The following LAMB3 variants were observed in gnomAD, a reference collection of about 807,000 sequenced individuals.
The protein encoded by LAMB3 is laminin subunit beta 3.
A neutral mutation model predicts 140.3 loss-of-function variants in LAMB3; 104 were observed. That is an observed-to-expected ratio of 0.74 (90% confidence interval 0.63 to 0.87). The LOEUF is 0.87. LAMB3 is among the 40% of genes least tolerant of loss of function. LAMB3 has a pLI of 0.00. For synonymous variants in LAMB3, 592 were observed against 602.9 expected (o/e 0.98, Z 0.26); for missense variants, 1,531 against 1,575.2 (o/e 0.97, Z 0.47).
In LAMB3 at chr1:209,630,613, A is replaced by G. The variant is rs1464038626; in HGVS notation, c.943+2T>C. 1.9e-6 allele frequency: 3 copies of G among 1,614,142 alleles called. No homozygotes were observed. Among genetic ancestry groups the G allele is most frequent in the Non-Finnish European group, 2.5e-6 (3 of 1,180,014 alleles). On this transcript the variant is annotated splice_donor_variant, in intron 9 of 22. Coordinates refer to ENST00000356082, the MANE Select transcript of LAMB3 (RefSeq NM_000228.3). LOFTEE classifies it high-confidence loss of function. ...AGGGGAGGGGTGATCCAAAGCTCCT[A>G]CTTTGGCATTCATGGGCGTCCTGGC...
Position 209,634,455 on chromosome 1 carries a change from C to A in LAMB3, c.556G>T (p.Gly186Trp), listed in dbSNP as rs747286969. The A allele has an allele frequency of 2.5e-6, 4 of 1,613,950 alleles. No homozygotes were observed. The highest frequency in any genetic ancestry group is 2.2e-5 in the East Asian group (1 of 44,870). ...GGATTCCCTCTACCTACCTTCCCCCCATTTAGGCGTGCATTAGGCCTCTGA... is the reference window on the plus strand; with the variant it reads ...GGATTCCCTCTACCTACCTTCCCCCAATTTAGGCGTGCATTAGGCCTCTGA... ...LPQRPNARLN[G>W]GKVQLNLMDL... Residue 186 changes from glycine (G) to tryptophan (W), a missense_variant, in exon 6 of 23, where the codon GGG (glycine) becomes TGG (tryptophan). Physicochemically the swap from Gly to Trp is radical, Grantham distance 184. Coordinates refer to ENST00000356082, the MANE Select transcript of LAMB3 (RefSeq NM_000228.3).
intron 17 of LAMB3, 30 bp from the exon 18 acceptor site, chr1:209,622,710 G>T: frequency 6.2e-7 from 1 of 1,613,904 alleles, no homozygotes; most frequent in Non-Finnish European, 8.5e-7. Flanking sequence ...GTCAGAAGGG[G>T]TAAGGCCCCA....
At position 209,626,021 on chromosome 1, in the gene LAMB3, C is replaced by T. The variant is rs141723352; in HGVS notation, c.1603G>A (p.Asp535Asn). The change falls in exon 14 of 23, where the codon GAC becomes AAC. Residue 535 changes from aspartate (D) to asparagine (N), a missense_variant. Transcript: ENST00000356082. ...GDVATGCRAC[D>N]CDFRGTEGPG... ...CCCTCTGTTCCCCGGAAATCACAGT[C>T]ACAGGCTAGGGCCAAGAAAAATGAC... 294 of 1,612,776 alleles carry T rather than the reference C, an allele frequency of 1.8e-4. No individual in the cohort carries two copies. The African/African-American group carries it at 3.1e-3, about 17-fold the overall frequency.
intron 20 of LAMB3, 76 bp downstream of exon 20, chr1:209,617,831 T>C: frequency 1.3e-6 from 2 of 1,570,586 alleles, no homozygotes; most frequent in South Asian, 2.2e-5. Context: ...AGTCACTTTC[T>C]GGCATTTTCT....
chr1:209,626,009 G>A lies in LAMB3; in HGVS notation c.1615C>T (p.Arg539Trp), dbSNP rs200300715. 122 of 1,612,830 alleles carry A rather than the reference G, an allele frequency of 7.6e-5. No individual in the cohort carries two copies. Among genetic ancestry groups the A allele is most frequent in the Non-Finnish European group, 7.3e-5 (86 of 1,179,366 alleles). The change falls in exon 14 of 23, where the codon CGG (arginine) becomes TGG (tryptophan). Residue 539 changes from arginine (R) to tryptophan (W), a missense_variant. Arg to Trp is a moderately radical substitution (Grantham distance 101). Transcript: ENST00000356082. ...TGCRACDCDF[R>W]GTEGPGCDKA... is the part of the protein sequence containing the mutation. ...TCGCAGCCCGGGCCCTCTGTTCCCC[G>A]GAAATCACAGTCACAGGCTAGGGCC...
chr1:209,634,368 G>A, intron 6 of LAMB3, 79 bp downstream of exon 6: 1 of 1,445,868 alleles, frequency 6.9e-7, no homozygotes, highest in South Asian at 1.1e-5. Context: ...TCCCTTCTCA[G>A]GAGTCCGTGT....
intron 19 of LAMB3, 123 bp from the exon 20 acceptor site, chr1:209,618,171 A>G (rs1666051209): frequency 2.4e-6 from 3 of 1,263,900 alleles, no homozygotes; most frequent in Non-Finnish European, 2.3e-6. Context: ...GAGCAAGGAA[A>G]GTATTAACTC....
chr1:209,644,795 G>A (rs909831905), intron 3 of LAMB3, among the ~76,000 whole-genome samples: 2 of 152,212 alleles, frequency 1.3e-5, no homozygotes, highest in Non-Finnish European at 2.9e-5. Flanking sequence ...CCCTGGACCT[G>A]AGTGCAGAAA....
rs753697952 is a variant in LAMB3, at chr1:209,650,951, C to T, written c.-7G>A. 6.2e-7 allele frequency: 1 copy of T among 1,614,002 alleles called. No homozygotes were observed. Among genetic ancestry groups the T allele is most frequent in the Non-Finnish European group, 8.5e-7 (1 of 1,179,968 alleles). The stretch of plus-strand genomic sequence containing the variant: ...AGAGGAAGAATGGTCTCATCTTCAG[C>T]CAATGGGGTGATCCCCAGAAAGGAC... On this transcript the variant is annotated 5_prime_UTR_variant, in exon 2 of 23. Transcript: ENST00000356082.
At position 209,625,695 on chromosome 1, in the gene LAMB3, G is replaced by T. The variant is rs1335523633; in HGVS notation, c.1929C>A (p.Val643=). The T allele has an allele frequency of 4.3e-6, 7 of 1,614,052 alleles. No homozygotes were observed. The highest frequency in any genetic ancestry group is 5.9e-6 in the Non-Finnish European group (7 of 1,180,042). ...CCACCTGAGCCACCTCCTGCTCTGTGACTGCGGGGCTGCTGAGAACTGCTC... is the reference window on the plus strand; with the variant it reads ...CCACCTGAGCCACCTCCTGCTCTGTTACTGCGGGGCTGCTGAGAACTGCTC... ...QIRAVLSSPA[V]TEQEVAQVAS... is the part of the protein sequence containing the mutation. The change falls in exon 14 of 23, where the codon GTC becomes GTA. Residue 643 remains valine, a synonymous_variant. Coordinates refer to ENST00000356082, the MANE Select transcript of LAMB3 (RefSeq NM_000228.3).
At position 209,628,035 on chromosome 1, in the gene LAMB3, G is replaced by C. The variant is rs767490741; in HGVS notation, c.1288C>G (p.Arg430Gly). 3.9e-5 allele frequency: 62 copies of C among 1,602,278 alleles called. No individual in the cohort carries two copies. Among genetic ancestry groups the C allele is most frequent in the Non-Finnish European group, 5.0e-5 (59 of 1,174,146 alleles). The change falls in exon 11 of 23, where the codon CGC becomes GGC. Residue 430 changes from arginine to glycine, a missense_variant and splice_region_variant. Transcript: ENST00000356082. ...ATGCTGGGCCAAGCCCCCTACTCAC[G>C]GTGGCAGCCCTGCGGGTTGGCGTAG... The part of the protein sequence containing the change: ...LTYANPQGCH[R>G]CDCNILGSRR...
intron 5 of LAMB3, among the ~76,000 whole-genome samples, chr1:209,636,653 C>A (rs1237095245): frequency 6.6e-6 from 1 of 152,206 alleles, no homozygotes; most frequent in Non-Finnish European, 1.5e-5. Flanking sequence ...TTGCCCCCAA[C>A]CCCAGTCATA....
chr1:209,633,044 T>C (rs1480104423), intron 7 of LAMB3, 26 bp downstream of exon 7: 6 of 1,540,300 alleles, frequency 3.9e-6, no homozygotes, highest in African/African-American at 2.7e-5. Context: ...CATAGTTCCA[T>C]GGACAAGAGA....
rs563637308 is a variant in LAMB3, at chr1:209,634,809, A to T, written c.373-171T>A. On this transcript the variant is annotated intron_variant, in intron 5 of 22. Transcript: ENST00000356082. The stretch of plus-strand genomic sequence containing the variant: ...CTCCTGGCATACCACAGGCCACAGA[A>T]GTTTCTCCCAGGATCTGCCTTCCAG... 2.6e-5 allele frequency among the ~76,000 whole-genome samples: 4 copies of T among 152,224 alleles called. No individual in the cohort carries two copies. In the South Asian group the frequency reaches 8.3e-4, roughly 32 times the overall value.
At chr1:209,621,587 G>A (rs1666196954) in intron 18 of LAMB3, among the ~76,000 whole-genome samples, 2 of 152,316 alleles carry the variant, frequency 1.3e-5, no homozygotes, top group South Asian at 4.2e-4. Flanking sequence ...TGTTCCTGAG[G>A]CACTTTTCCT....
chr1:209,627,712 A>C (rs1666521950), intron 11 of LAMB3, 133 bp from the exon 12 acceptor site: 1 of 863,724 alleles, frequency 1.2e-6, no homozygotes, highest in Non-Finnish European at 1.8e-6. Flanking sequence ...GACATGGCTG[A>C]CTCACAGGAC....
At position 209,627,500 on chromosome 1, in the gene LAMB3, G is replaced by A. The variant is rs1666509801; in HGVS notation, c.1368C>T (p.Asn456=). 5 of 1,613,968 alleles carry A rather than the reference G, an allele frequency of 3.1e-6. No homozygotes were observed. In the Admixed American group the frequency reaches 5.0e-5, roughly 16 times the overall value. The change falls in exon 12 of 23, where the codon AAC becomes AAT. Residue 456 remains asparagine, a synonymous_variant. Transcript: ENST00000356082. ...EESGRCLCLP[N]VVGPKCDQCA... ...ACTGGTCACATTTGGGACCCACCAC[G>A]TTGGGCAGACAAAGGCAGCGCCCAC...
intron 3 of LAMB3, among the ~76,000 whole-genome samples, chr1:209,645,739 G>GAAAC (rs1558167822): frequency 7.1e-6 from 1 of 141,232 alleles, no homozygotes; most frequent in Admixed American, 7.2e-5. Flanking sequence ...AAAAAAAAAA[G>GAAAC]CAGATATTTT....
chr1:209,642,191 G>GA (rs1417459102), intron 3 of LAMB3, among the ~76,000 whole-genome samples: 7 of 151,968 alleles, frequency 4.6e-5, no homozygotes, highest in Admixed American at 1.3e-4. Context: ...TATGTTTTAT[G>GA]AAAAAAAGCT....
Sources: allele counts gnomAD v4.1 joint callset (sites outside exome capture counted in the v4.1 genomes callset), GRCh38; gene constraint gnomAD v4.1.1; transcripts MANE v1.5; gene names NCBI Gene and HGNC (gene_info 2026-07-23, HGNC 2026-07-21).